TRA2B: variants seen among roughly 807,000 people sequenced by gnomAD.
TRA2B encodes the protein transformer-2 protein homolog beta.
In TRA2B, 14 loss-of-function variants were observed where a neutral mutation model predicts 41.7. The ratio of observed to expected loss-of-function variants is 0.34; its 90% CI spans 0.22 to 0.53. TRA2B has a LOEUF of 0.53. Among genes scored for constraint, TRA2B ranks in the 20% least tolerant of loss-of-function variants. The probability of loss-of-function intolerance (pLI) is 0.95; values close to 1 mark genes in which losing one functional copy is unlikely to be tolerated. For synonymous variants in TRA2B, 130 were observed against 128.8 expected (o/e 1.01, Z -0.06); for missense variants, 167 against 396.8 (o/e 0.42, Z 4.92).
Position 185,917,828 on chromosome 3 carries a change from A to G in TRA2B, c.857-103T>C, listed in dbSNP as rs1743558529. 7 of 1,267,918 alleles carry G rather than the reference A, an allele frequency of 5.5e-6. No homozygotes were observed. In the South Asian group the frequency reaches 8.8e-5, roughly 16 times the overall value. 78.5% of individuals were successfully genotyped at this position (1,267,918 alleles called of 1,614,324 possible). A position where few individuals can be genotyped will look rare whatever the true frequency, so the allele number is the denominator to read the frequency against. On this transcript the variant is annotated intron_variant, in intron 8 of 8. Coordinates refer to ENST00000453386, the MANE Select transcript of TRA2B (RefSeq NM_004593.3). The stretch of plus-strand genomic sequence containing the variant: ...AATATTCTGCCATTAAGAAATTCCT[A>G]TGTGCCAGAACCCCACCACCCCCAA...
At chr3:185,931,244 G>T (rs1744144518) in intron 1 of TRA2B, among the ~76,000 whole-genome samples, 1 of 152,138 alleles carries the variant, frequency 6.6e-6, no homozygotes, top group African/African-American at 2.4e-5. Context: ...AGTCCAGGGA[G>T]GTGGCAAAGA....
chr3:185,924,231 C>T (rs546277934), intron 3 of TRA2B: 201 of 321,670 alleles, frequency 6.2e-4, no homozygotes, highest in Non-Finnish European at 9.5e-4. Flanking sequence ...CTCGTGCTGG[C>T]GAAAAGCAAC....
chr3:185,936,135 G>A, intron 1 of TRA2B: 1 of 985,350 alleles, frequency 1.0e-6, no homozygotes, highest in Non-Finnish European at 1.2e-6. Context: ...ATTCAATCGA[G>A]AGCTCTAGTC....
chr3:185,926,044 C>T (rs1429710534), intron 2 of TRA2B, among the ~76,000 whole-genome samples: 1 of 152,106 alleles, frequency 6.6e-6, no homozygotes, highest in Non-Finnish European at 1.5e-5. Flanking sequence ...TTGAGTGGCT[C>T]TTGACTAACT....
rs762324903 is a variant in TRA2B at position 185,937,898 on chromosome 3, C to A, written c.-38G>T. ...CTGTCGCCGGTCGATGTGCTTCAAT[C>A]GAAGCTGCCAACCTCTTGCACCTTC... is the stretch of plus-strand genomic sequence containing the variant. On this transcript the variant is annotated 5_prime_UTR_variant, in exon 1 of 9. Transcript: ENST00000453386. The A allele has an allele frequency of 1.9e-6, 3 of 1,612,840 alleles. No homozygotes were observed. Among genetic ancestry groups the A allele is most frequent in the South Asian group, 2.2e-5 (2 of 91,082 alleles).
At chr3:185,922,952 T>TC (rs1743796579) in intron 4 of TRA2B, 1 of 152,174 alleles carries the variant, frequency 6.6e-6, no homozygotes, top group Admixed American at 6.5e-5. Flanking sequence ...TATGCTATTT[T>TC]CCGAGAGCTA....
At chr3:185,925,413 A>G in intron 3 of TRA2B, 51 bp downstream of exon 3, 1 of 1,590,618 alleles carries the variant, frequency 6.3e-7, no homozygotes, top group Non-Finnish European at 8.6e-7. Flanking sequence ...TAACTTTAAG[A>G]AAAAGTAAAT....
At chr3:185,931,929 A>G in intron 1 of TRA2B, 3 of 1,078,284 alleles carry the variant, frequency 2.8e-6, no homozygotes, top group Non-Finnish European at 2.4e-6. Context: ...GAAACTAGAA[A>G]AAAAAAATCC....
chr3:185,934,862 GC>G, intron 1 of TRA2B: 2 of 985,400 alleles, frequency 2.0e-6, no homozygotes, highest in Non-Finnish European at 2.4e-6. Flanking sequence ...AATCACATCG[GC>G]TTTACAAAAA....
chr3:185,917,877 T>A, intron 8 of TRA2B, 152 bp from the exon 9 acceptor site: 1 of 705,582 alleles, frequency 1.4e-6, no homozygotes, highest in Non-Finnish European at 2.4e-6. Context: ...TCCATGTAAG[T>A]ATTACACCAG....
At position 185,917,067 on chromosome 3, in the gene TRA2B, G is replaced by C. The variant is rs1191461998; in HGVS notation, c.*648C>G. 6.6e-6 allele frequency: 1 copy of C among 152,182 alleles called. No homozygotes were observed. The allele number at this position is 152,182 out of a possible 1,614,324, so 9.4% of individuals were successfully genotyped here. On this transcript the variant is annotated 3_prime_UTR_variant, in exon 9 of 9. Coordinates refer to ENST00000453386, the MANE Select transcript of TRA2B (RefSeq NM_004593.3). ...TAAGGCATACACTGTGTAACTCTTC[G>C]TATTTCCTGCTATACATATTACAGA...
At chr3:185,919,582 T>C (rs1743636103) in intron 6 of TRA2B, 86 bp from the exon 7 acceptor site, 3 of 1,132,898 alleles carry the variant, frequency 2.6e-6, no homozygotes, top group Admixed American at 2.5e-5. Flanking sequence ...ATAAAAACTT[T>C]CATAGAGCAT....
chr3:185,932,695 T>A (rs369279000), intron 1 of TRA2B, among the ~76,000 whole-genome samples: 1 of 152,208 alleles, frequency 6.6e-6, no homozygotes, highest in African/African-American at 2.4e-5. Context: ...TTAAAAAGAT[T>A]GAATTTAGTT....
At position 185,915,673 on chromosome 3, in the gene TRA2B, T is replaced by C. The variant is rs1317698457; in HGVS notation, c.*2042A>G. 6.6e-6 allele frequency among the ~76,000 whole-genome samples: 1 copy of C among 151,942 alleles called. No homozygotes were observed. The highest frequency in any genetic ancestry group is 1.9e-4 in the East Asian group (1 of 5,192). On this transcript the variant is annotated 3_prime_UTR_variant, in exon 9 of 9. Transcript: ENST00000453386. ...TCAAATCTAAAAGCCAGAAAACAAC[T>C]CAAACTAGCCTAAAAAAGGAAACTT... is the stretch of plus-strand genomic sequence containing the variant.
intron 4 of TRA2B, 27 bp from the exon 5 acceptor site, chr3:185,922,153 T>C (rs757089746): frequency 9.0e-6 from 14 of 1,561,210 alleles, no homozygotes; most frequent in Middle Eastern, 3.4e-4. Flanking sequence ...AATTGTTACA[T>C]ACATCCTGAA....
intron 1 of TRA2B, chr3:185,935,434 T>C (rs897985628): frequency 4.3e-5 from 42 of 985,358 alleles, no homozygotes; most frequent in African/African-American, 2.8e-4. Flanking sequence ...ATGTATTCTA[T>C]TGAGTGATCA....
chr3:185,917,779 ATACTT>A (rs1402484649), intron 8 of TRA2B, 54 bp from the exon 9 acceptor site: 3 of 1,568,504 alleles, frequency 1.9e-6, no homozygotes, highest in Non-Finnish European at 2.6e-6. Flanking sequence ...ATTATCAAGT[ATACTT>A]TAATGCCGAG....
In TRA2B at chr3:185,917,739, A is replaced by C; in HGVS notation, c.857-14T>G. On this transcript the variant is annotated splice_polypyrimidine_tract_variant and intron_variant, in intron 8 of 8. Transcript: ENST00000453386. ...TTTAATAGCGACCTGGGAAGAAAAG[A>C]ATGAACATGCTTTAATATTAAGTGA... 9 of 1,612,184 alleles carry C rather than the reference A, an allele frequency of 5.6e-6. No individual in the cohort carries two copies. The highest frequency in any genetic ancestry group is 7.6e-6 in the Non-Finnish European group (9 of 1,178,438).
chr3:185,917,815 T>C, intron 8 of TRA2B, 90 bp from the exon 9 acceptor site: 1 of 1,430,024 alleles, frequency 7.0e-7, no homozygotes, highest in Non-Finnish European at 9.8e-7. Context: ...TATTCTGCCA[T>C]TAAGAAATTC....
Sources: allele counts gnomAD v4.1 joint callset (sites outside exome capture counted in the v4.1 genomes callset), GRCh38; gene constraint gnomAD v4.1.1; transcripts MANE v1.5; gene names NCBI Gene and HGNC (gene_info 2026-07-23, HGNC 2026-07-21).